Variants in CPNE1 observed in about 807,000 individuals in gnomAD.
The protein encoded by CPNE1 is copine 1, also known as copine-1.
A neutral mutation model predicts 63.2 loss-of-function variants in CPNE1; 58 were observed. That is an observed-to-expected ratio of 0.92 (90% CI 0.74 to 1.14). CPNE1 has a LOEUF of 1.14. CPNE1 is among the 50% of genes most tolerant of loss of function. The probability of loss-of-function intolerance (pLI) is 0.00; values close to 1 mark genes in which losing one functional copy is unlikely to be tolerated. For synonymous variants in CPNE1, 237 were observed against 249.0 expected (o/e 0.95, Z 0.45); for missense variants, 672 against 661.7 (o/e 1.02, Z -0.17).
At chr20:35,660,127 T>C (rs1277806357) in intron 1 of CPNE1, among the ~76,000 whole-genome samples, 2 of 152,226 alleles carry the variant, frequency 1.3e-5, no homozygotes, top group African/African-American at 2.4e-5. Flanking sequence ...CAAAAAGCTA[T>C]GCAAATATGT....
At chr20:35,650,774 T>TA (rs921819545) in intron 1 of CPNE1, 59 of 152,718 alleles carry the variant, frequency 3.9e-4, no homozygotes, top group African/African-American at 1.4e-3. Flanking sequence ...TTGCCACTCT[T>TA]AAATTACACA....
Position 35,626,202 on chromosome 20 carries a change from G to A in CPNE1, c.*39C>T, listed in dbSNP as rs963778377. On this transcript the variant is annotated 3_prime_UTR_variant, in exon 16 of 16. Transcript: ENST00000397443. ...GGTTGTGGCCCAGAGGGACCTCTGG[G>A]ACACAGGATTGAGGACTTGCCACAG... 1 of 1,612,124 alleles carries A rather than the reference G, an allele frequency of 6.2e-7. No individual in the cohort carries two copies. The highest frequency in any genetic ancestry group is 2.2e-5 in the East Asian group (1 of 44,866).
intron 1 of CPNE1, chr20:35,652,861 C>T: frequency 6.2e-7 from 1 of 1,611,616 alleles, no homozygotes; most frequent in Non-Finnish European, 8.5e-7. Context: ...AGCTGGTGGC[C>T]CACCCAAATG....
chr20:35,660,202 CTTTT>C (rs963794869), intron 1 of CPNE1, among the ~76,000 whole-genome samples: 1 of 149,768 alleles, frequency 6.7e-6, no homozygotes, highest in African/African-American at 2.4e-5. Flanking sequence ...AATCTAGCCT[CTTTT>C]TTTTTTCTTT....
At chr20:35,663,813 G>A (rs1450021573) in intron 1 of CPNE1, among the ~76,000 whole-genome samples, 1 of 152,198 alleles carries the variant, frequency 6.6e-6, no homozygotes, top group Non-Finnish European at 1.5e-5. Context: ...TCACTAACCT[G>A]TAGATCCTCA....
chr20:35,632,263 G>T, intron 4 of CPNE1, 29 bp from the exon 5 acceptor site: 2 of 1,611,378 alleles, frequency 1.2e-6, no homozygotes, highest in Non-Finnish European at 1.7e-6. Flanking sequence ...ATCACCTCAT[G>T]AATTCATTGA....
rs1388804445 is a variant in CPNE1 at position 35,632,510 on chromosome 20, T to C, written c.309+7A>G. The C allele has an allele frequency of 6.2e-7, 1 of 1,613,260 alleles. No homozygotes were observed. The highest frequency in any genetic ancestry group is 8.5e-7 in the Non-Finnish European group (1 of 1,179,394). On this transcript the variant is annotated splice_region_variant and intron_variant, in intron 3 of 15. Transcript: ENST00000397443. ...TCTGAAGGATCCTAATCCCCAGCCC[T>C]ACATACCTGTCCTAGGGAACACTCA...
chr20:35,627,478 T>C, intron 13 of CPNE1, 65 bp from the exon 14 acceptor site: 1 of 1,538,478 alleles, frequency 6.5e-7, no homozygotes, highest in East Asian at 2.3e-5. Flanking sequence ...AGTCCTGAAA[T>C]CACCCCATCC....
chr20:35,655,615 G>A (rs189147977), intron 1 of CPNE1, among the ~76,000 whole-genome samples: 36 of 152,262 alleles, frequency 2.4e-4, no homozygotes, highest in African/African-American at 8.4e-4. Context: ...CTGTAGGACA[G>A]TAAAATACAT....
At position 35,630,542 on chromosome 20, in the gene CPNE1, T is replaced by C. The variant is rs761615278; in HGVS notation, c.1051-52A>G. On this transcript the variant is annotated intron_variant, in intron 12 of 15. Coordinates refer to ENST00000397443, the MANE Select transcript of CPNE1 (RefSeq NM_152925.3). ...CTTTCCCCATGACCTCTGCTAAGAA[T>C]GAAAAAGGACACTGGCGTGTGCCAA... 3.1e-5 allele frequency: 50 copies of C among 1,594,154 alleles called. 1 individual carries two copies. In the Middle Eastern group the frequency reaches 3.2e-3, roughly 101 times the overall value.
chr20:35,659,092 C>T (rs572264472), intron 1 of CPNE1: 9 of 581,808 alleles, frequency 1.5e-5, no homozygotes, highest in South Asian at 6.4e-5. Context: ...CTGTACATTA[C>T]GAAGGCGAGT....
rs192879008 is a variant in CPNE1, at chr20:35,630,962, C to T, written c.934G>A (p.Gly312Arg). The change falls in exon 11 of 16, where the codon GGG (glycine) becomes AGG (arginine). Residue 312 changes from glycine to arginine, a missense_variant. Physicochemically the swap from Gly to Arg is moderately radical, Grantham distance 125. Coordinates refer to ENST00000397443, the MANE Select transcript of CPNE1 (RefSeq NM_152925.3). ...PDSLHYLSPT[G>R]VNEYLMALWS... Reference sequence around the variant, plus strand: ...AGTGCCATCAGGTACTCATTGACCCCTGTTGGACTCAGGTAGTGTAGGGAG... The same window carrying T: ...AGTGCCATCAGGTACTCATTGACCCTTGTTGGACTCAGGTAGTGTAGGGAG... 2.5e-6 allele frequency: 4 copies of T among 1,614,048 alleles called. No homozygotes were observed. In the South Asian group the frequency reaches 3.3e-5, roughly 13 times the overall value.
chr20:35,630,947 G>A lies in CPNE1; in HGVS notation c.949C>T (p.Leu317=). 4 of 1,613,876 alleles carry A rather than the reference G, an allele frequency of 2.5e-6. No individual in the cohort carries two copies. Among genetic ancestry groups the A allele is most frequent in the Non-Finnish European group, 2.5e-6 (3 of 1,179,848 alleles). The part of the protein sequence containing the change: ...YLSPTGVNEY[L]MALWSVGSVV... ...CTGCCCACACTCCACAGTGCCATCA[G>A]GTACTCATTGACCCCTGTTGGACTC... The change falls in exon 11 of 16, where the codon CTG becomes TTG. Residue 317 remains leucine (L), a synonymous_variant. Coordinates refer to ENST00000397443, the MANE Select transcript of CPNE1 (RefSeq NM_152925.3).
In CPNE1 at chr20:35,632,572, G is replaced by A. The variant is rs564598987; in HGVS notation, c.254C>T (p.Thr85Met). 25 of 1,613,778 alleles carry A rather than the reference G, an allele frequency of 1.5e-5. No homozygotes were observed. The highest frequency in any genetic ancestry group is 1.2e-4 in the South Asian group (11 of 91,074). ...GAAGTCATCATCCCTCAGCTCTGGC[G>A]TCTTGTTGTCTATGTCATAGATTCC... ...RFGIYDIDNK[T>M]PELRDDDFLG... is the part of the protein sequence containing the mutation. Residue 85 changes from threonine (T) to methionine (M), a missense_variant, in exon 3 of 16, where the codon ACG (threonine) becomes ATG (methionine). Thr to Met is a moderately conservative substitution (Grantham distance 81). Coordinates refer to ENST00000397443, the MANE Select transcript of CPNE1 (RefSeq NM_152925.3).
chr20:35,643,442 T>G (rs995693007), intron 1 of CPNE1: 1 of 152,230 alleles, frequency 6.6e-6, no homozygotes, highest in Non-Finnish European at 1.5e-5. Flanking sequence ...ACACAAAGTC[T>G]TCACGTGAGT....
intron 15 of CPNE1, 39 bp downstream of exon 15, chr20:35,626,528 G>C (rs762165803): frequency 3.7e-6 from 6 of 1,602,022 alleles, no homozygotes. Flanking sequence ...AGGGAAAGGT[G>C]AAAGGGTAAA....
In CPNE1 at chr20:35,653,528, G is replaced by A. The variant is rs2033689787; in HGVS notation, c.-1+11232C>T. The A allele has an allele frequency of 3.1e-6, 5 of 1,613,994 alleles. No individual in the cohort carries two copies. The highest frequency in any genetic ancestry group is 2.2e-5 in the East Asian group (1 of 44,902). On this transcript the variant is annotated intron_variant, in intron 1 of 15. Coordinates refer to ENST00000397443, the MANE Select transcript of CPNE1 (RefSeq NM_152925.3). ...TTACGGTGTAAGCGTTCAGACTTAC[G>A]TGCATCATCTTCATTTTTAAACTGA...
intron 1 of CPNE1, among the ~76,000 whole-genome samples, chr20:35,633,233 G>T (rs6060524): frequency 0.1 from 15,465 of 152,206 alleles, 824 homozygotes; most frequent in South Asian, 0.14. Context: ...TCCCAATAGG[G>T]CTGTCCAAAC....
chr20:35,662,357 CTTAA>C (rs1005092458), intron 1 of CPNE1, among the ~76,000 whole-genome samples: 246 of 152,288 alleles, frequency 1.6e-3, no homozygotes, highest in African/African-American at 5.1e-3. Flanking sequence ...TGGCTTTAAA[CTTAA>C]TTAAATTTTG....
Sources: gnomAD v4.1 joint callset for allele counts (sites outside exome capture counted in the v4.1 genomes callset) on GRCh38, gnomAD v4.1.1 for gene constraint, MANE v1.5 for transcripts, NCBI Gene and HGNC (gene_info 2026-07-23, HGNC 2026-07-21) for gene names.